Variants in HDAC9 observed in about 807,000 individuals in gnomAD.
HDAC9 encodes MEF-2 interacting transcription repressor (MITR) protein.
In HDAC9, 41 loss-of-function variants were observed where a neutral mutation model predicts 139.4. The ratio of observed to expected loss-of-function variants is 0.29; its 90% CI spans 0.23 to 0.38. The LOEUF (loss-of-function observed/expected upper bound fraction) is 0.38, where lower values mean the gene tolerates loss of function less well. Ranked by LOEUF, HDAC9 falls within the 10% of genes least tolerant of loss-of-function variation. HDAC9 has a pLI of 1.00. For synonymous variants in HDAC9, 517 were observed against 476.2 expected (o/e 1.09, Z -1.12); for missense variants, 1,147 against 1,297.0 (o/e 0.88, Z 1.78).
chr7:18,514,065 T>A (rs1802418393), intron 2 of HDAC9, among the ~76,000 whole-genome samples: 1 of 152,216 alleles, frequency 6.6e-6, no homozygotes, highest in African/African-American at 2.4e-5. Flanking sequence ...CAAAGAACTA[T>A]CACTAATTGT....
At position 18,803,817 on chromosome 7, in the gene HDAC9, A is replaced by C. The variant is rs191159578; in HGVS notation, c.2322+10365A>C. ...TATTAGGAAAATCAAAATTTAATGC[A>C]GCCAGTCAGTGATATTTTGTGATAT... On this transcript the variant is annotated intron_variant, in intron 17 of 25. Coordinates refer to ENST00000686413, the MANE Select transcript of HDAC9 (RefSeq NM_178425.4). Among the ~76,000 whole-genome samples the C allele has an allele frequency of 1.0e-3, 156 of 152,340 alleles. 1 individual carries two copies. Among genetic ancestry groups the C allele is most frequent in the African/African-American group, 3.7e-3 (153 of 41,582 alleles).
intron 22 of HDAC9, among the ~76,000 whole-genome samples, chr7:18,921,642 A>G (rs1234518691): frequency 6.6e-6 from 1 of 152,194 alleles, no homozygotes; most frequent in African/African-American, 2.4e-5. Flanking sequence ...ACTGTTAACT[A>G]GTTCAATCAT....
At chr7:18,976,244 G>T (rs1460753245) in intron 25 of HDAC9, among the ~76,000 whole-genome samples, 1 of 152,202 alleles carries the variant, frequency 6.6e-6, no homozygotes, top group Non-Finnish European at 1.5e-5. Flanking sequence ...AGTGCAGATC[G>T]TTATGGAAAG....
At chr7:18,517,429 A>T (rs1244731753) in intron 2 of HDAC9, among the ~76,000 whole-genome samples, 1 of 152,212 alleles carries the variant, frequency 6.6e-6, no homozygotes, top group African/African-American at 2.4e-5. Context: ...GGAATGAACG[A>T]ACTAAAGGAT....
At chr7:18,360,041 AC>A (rs1363705110) in intron 1 of HDAC9, among the ~76,000 whole-genome samples, 1 of 151,928 alleles carries the variant, frequency 6.6e-6, no homozygotes, top group Non-Finnish European at 1.5e-5. Context: ...CTCACCTTCC[AC>A]CCTCCGATTC....
chr7:18,966,314 T>G (rs2240281), intron 24 of HDAC9, among the ~76,000 whole-genome samples: 127,043 of 152,096 alleles, frequency 0.84, 53,129 homozygotes, highest in Admixed American at 0.86. Flanking sequence ...GATCTGGGAG[T>G]TAAAGGAAGA....
At chr7:18,919,811 A>T (rs1803528035) in intron 22 of HDAC9, among the ~76,000 whole-genome samples, 1 of 152,020 alleles carries the variant, frequency 6.6e-6, no homozygotes. Context: ...ACTACTAAAA[A>T]GTAATAAAAG....
At chr7:18,364,922 T>C (rs934956704) in intron 1 of HDAC9, among the ~76,000 whole-genome samples, 4 of 152,156 alleles carry the variant, frequency 2.6e-5, no homozygotes, top group African/African-American at 9.7e-5. Flanking sequence ...AAGGGAAATT[T>C]ATTTTTATGA....
At chr7:18,603,444 T>C (rs569750091) in intron 6 of HDAC9, among the ~76,000 whole-genome samples, 52 of 152,222 alleles carry the variant, frequency 3.4e-4, no homozygotes, top group African/African-American at 1.2e-3. Flanking sequence ...TCTTAACATA[T>C]CAATTTTACC....
chr7:18,481,630 C>G (rs966333801), intron 1 of HDAC9, among the ~76,000 whole-genome samples: 1 of 152,100 alleles, frequency 6.6e-6, no homozygotes, highest in East Asian at 1.9e-4. Flanking sequence ...TATTTTCATT[C>G]TAGGCTTTGA....
intron 1 of HDAC9, among the ~76,000 whole-genome samples, chr7:18,301,873 C>T (rs979969809): frequency 3.9e-5 from 6 of 152,122 alleles, no homozygotes; most frequent in Non-Finnish European, 7.4e-5. Flanking sequence ...CCTGTGTTTT[C>T]TATATTCCCT....
At chr7:18,684,006 C>T (rs1033654246) in intron 12 of HDAC9, among the ~76,000 whole-genome samples, 10 of 151,882 alleles carry the variant, frequency 6.6e-5, no homozygotes, top group African/African-American at 2.4e-4. Flanking sequence ...CCAATAATCC[C>T]AGCCCTTTGG....
chr7:18,919,319 C>A (rs6947529), intron 22 of HDAC9, among the ~76,000 whole-genome samples: 62,495 of 151,630 alleles, frequency 0.41, 13,254 homozygotes, highest in African/African-American at 0.49. Flanking sequence ...TGATGGTAAC[C>A]AGTTTGGTGT....
chr7:18,465,907 C>T (rs1386840546), intron 1 of HDAC9, among the ~76,000 whole-genome samples: 1 of 152,148 alleles, frequency 6.6e-6, no homozygotes, highest in African/African-American at 2.4e-5. Flanking sequence ...TTGCTGCCAT[C>T]AGGAACTAAC....
chr7:18,635,117 G>A lies in HDAC9; in HGVS notation c.912+375G>A, dbSNP rs141744665. Among the ~76,000 whole-genome samples the A allele has an allele frequency of 8.7e-4, 132 of 151,740 alleles. 1 individual carries two copies. The East Asian group carries it at 0.015, about 17-fold the overall frequency. On this transcript the variant is annotated intron_variant, in intron 8 of 25. Coordinates refer to ENST00000686413, the MANE Select transcript of HDAC9 (RefSeq NM_178425.4). ...AGTCAAACATTCTTAGTGATCCTCC[G>A]TGCACACTGCCTGACAATTATGTAA...
intron 2 of HDAC9, among the ~76,000 whole-genome samples, chr7:18,507,339 C>T (rs1363305461): frequency 2.0e-5 from 3 of 151,236 alleles, no homozygotes; most frequent in East Asian, 3.9e-4. Context: ...TACAGGCGCC[C>T]GCCACCACGC....
At chr7:18,979,844 A>AT (rs1163846547) in intron 25 of HDAC9, among the ~76,000 whole-genome samples, 1 of 152,192 alleles carries the variant, frequency 6.6e-6, no homozygotes, top group Non-Finnish European at 1.5e-5. Context: ...ACTTATCACC[A>AT]TGGAGATGGT....
intron 2 of HDAC9, among the ~76,000 whole-genome samples, chr7:18,501,298 TAGAGAG>T (rs1259775640): frequency 1.3e-5 from 2 of 151,954 alleles, no homozygotes; most frequent in African/African-American, 4.8e-5. Context: ...TGTGAGGTGT[TAGAGAG>T]AGGTGAGATG....
At chr7:18,118,128 C>T (rs1784129001) in intron 1 of HDAC9, among the ~76,000 whole-genome samples, 1 of 152,152 alleles carries the variant, frequency 6.6e-6, no homozygotes, top group Admixed American at 6.5e-5. Context: ...GGTTAACATG[C>T]ATTCTTTCAT....
Sources: gnomAD v4.1 joint callset for allele counts (sites outside exome capture counted in the v4.1 genomes callset) on GRCh38, gnomAD v4.1.1 for gene constraint, MANE v1.5 for transcripts, NCBI Gene and HGNC (gene_info 2026-07-23, HGNC 2026-07-21) for gene names.